The following ATXN7 variants were observed in gnomAD, a reference collection of about 807,000 sequenced individuals.
The protein encoded by ATXN7 is ataxin-7.
ATXN7 carries 12 observed loss-of-function variants against 70.5 expected under a neutral mutation model. The observed-to-expected ratio is 0.17, with a 90% CI of 0.11 to 0.28. The LOEUF is 0.28. ATXN7 is among the 10% of genes least tolerant of loss of function. The pLI, the probability that ATXN7 is intolerant of heterozygous loss-of-function variation, is 1.00. For missense variants in ATXN7, 1,256 were observed against 1,131.7 expected, an observed-to-expected ratio of 1.11 and a Z score of -1.58; for synonymous variants, 498 against 448.7, an observed-to-expected ratio of 1.11 and a Z score of -1.39.
chr3:63,884,238 C>T (rs956855277), intron 1 of ATXN7, among the ~76,000 whole-genome samples: 41 of 115,124 alleles, frequency 3.6e-4, no homozygotes, highest in African/African-American at 1.1e-3. Context: ...CACACACACA[C>T]ACATACTCTC....
intron 8 of ATXN7, among the ~76,000 whole-genome samples, chr3:63,986,371 C>G (rs1271585005): frequency 1.3e-5 from 2 of 152,138 alleles, no homozygotes; most frequent in South Asian, 2.1e-4. Flanking sequence ...CAGTGGAAAC[C>G]CTACTTAGGC....
chr3:63,890,642 C>G (rs1192216780), intron 1 of ATXN7, among the ~76,000 whole-genome samples: 1 of 152,186 alleles, frequency 6.6e-6, no homozygotes, highest in African/African-American at 2.4e-5. Context: ...ATGCCTACTA[C>G]TTAGTATACC....
At position 63,988,103 on chromosome 3, in the gene ATXN7, A is replaced by T. The variant is rs1325292909; in HGVS notation, c.1140A>T (p.Lys380Asn). 5.0e-6 allele frequency: 8 copies of T among 1,614,090 alleles called. No homozygotes were observed. In the South Asian group the frequency reaches 8.8e-5, roughly 18 times the overall value. ...GCAGGGCTGTCCAGGGTAGAAGAAA[A>T]CGATTTGATGTGTTATTAGCCGAGC... Reference protein sequence around the residue: ...TQRRAVQGRRKRFDVLLAEHK... With the variant: ...TQRRAVQGRRNRFDVLLAEHK... The change falls in exon 9 of 13, where the codon AAA becomes AAT. Residue 380 changes from lysine to asparagine, a missense_variant. Lys to Asn is a moderately conservative substitution (Grantham distance 94, BLOSUM62 0). Coordinates refer to ENST00000674280, the MANE Select transcript of ATXN7 (RefSeq NM_001377405.1).
chr3:63,952,265 A>G (rs540655871), intron 4 of ATXN7, 114 bp from the exon 5 acceptor site: 4 of 616,422 alleles, frequency 6.5e-6, no homozygotes, highest in Admixed American at 3.4e-5. Flanking sequence ...ACATCAGTTC[A>G]TTTGTCCTGG....
intron 1 of ATXN7, among the ~76,000 whole-genome samples, chr3:63,889,527 C>G (rs1703191706): frequency 2.0e-5 from 3 of 152,140 alleles, no homozygotes; most frequent in Admixed American, 6.5e-5. Context: ...TAGGCAAGGG[C>G]TAGAAATAGC....
rs183470852 is a variant in ATXN7, at chr3:63,955,165, C to T, written c.499+2682C>T. 1.4e-3 allele frequency among the ~76,000 whole-genome samples: 216 copies of T among 152,300 alleles called. 1 individual carries two copies. The highest frequency in any genetic ancestry group is 5.0e-3 in the African/African-American group (209 of 41,560). On this transcript the variant is annotated intron_variant, in intron 5 of 12. Transcript: ENST00000674280. ...AAAGTGTGAATTCAAGATTCATTTA[C>T]TCCAAGGTCTCCTGTGGCTTGGCAG... is the stretch of plus-strand genomic sequence containing the variant.
At chr3:63,926,841 G>C (rs1009725315) in intron 4 of ATXN7, among the ~76,000 whole-genome samples, 1 of 152,012 alleles carries the variant, frequency 6.6e-6, no homozygotes, top group African/African-American at 2.4e-5. Context: ...ACAGGCTCCA[G>C]TGTGTCATGT....
Position 63,996,470 on chromosome 3 carries a change from C to T in ATXN7, c.2648C>T (p.Ser883Phe), listed in dbSNP as rs376988730. Residue 883 changes from serine to phenylalanine, a missense_variant, in exon 12 of 13, where the codon TCC becomes TTC. Transcript: ENST00000674280. ...GGGGCACAAGGACTGATGAACAGTT[C>T]CCTCCTTCATCAGGTAGGAAATGGA... The part of the protein sequence containing the change: ...IPGAQGLMNS[S>F]LLHQPKARP 1.2e-6 allele frequency: 2 copies of T among 1,613,922 alleles called. No individual in the cohort carries two copies. Among genetic ancestry groups the T allele is most frequent in the African/African-American group, 1.3e-5 (1 of 74,912 alleles).
intron 12 of ATXN7, chr3:63,997,637 G>A (rs1559664335): frequency 3.2e-6 from 5 of 1,552,024 alleles, no homozygotes; most frequent in Non-Finnish European, 4.4e-6. Flanking sequence ...TCCTCACCTT[G>A]CTTACGAACA....
intron 4 of ATXN7, among the ~76,000 whole-genome samples, chr3:63,943,924 C>G (rs1267153868): frequency 6.6e-6 from 1 of 152,192 alleles, no homozygotes; most frequent in Admixed American, 6.5e-5. Context: ...TAGGTCAATA[C>G]ACATTCATGG....
chr3:63,879,682 G>A (rs576824021), intron 1 of ATXN7, among the ~76,000 whole-genome samples: 200 of 151,962 alleles, frequency 1.3e-3, no homozygotes, highest in Non-Finnish European at 2.3e-3. Context: ...AGTAGAGACG[G>A]GGTTTCACTA....
intron 4 of ATXN7, among the ~76,000 whole-genome samples, chr3:63,923,487 T>G (rs1307252561): frequency 3.9e-5 from 6 of 152,208 alleles, no homozygotes; most frequent in Non-Finnish European, 7.3e-5. Context: ...ATTTAACATT[T>G]GAGCTGAGAC....
At chr3:63,972,060 G>C (rs143154835) in intron 5 of ATXN7, among the ~76,000 whole-genome samples, 1 of 152,166 alleles carries the variant, frequency 6.6e-6, no homozygotes, top group Admixed American at 6.5e-5. Context: ...CACGAGTTGT[G>C]TTTGGTGGCC....
At chr3:63,913,332 C>T (rs1185284642) in intron 4 of ATXN7, 107 bp downstream of exon 4, 3 of 1,193,560 alleles carry the variant, frequency 2.5e-6, no homozygotes, top group East Asian at 2.5e-5. Flanking sequence ...CCCGACTCCC[C>T]GTGCCTGCGA....
At chr3:63,950,709 C>T (rs2074939382) in intron 4 of ATXN7, among the ~76,000 whole-genome samples, 1 of 152,122 alleles carries the variant, frequency 6.6e-6, no homozygotes, top group Non-Finnish European at 1.5e-5. Flanking sequence ...TAGATATAAC[C>T]TTTCCCCTTC....
At chr3:63,912,966 C>A (rs1303752771) in intron 3 of ATXN7, 43 bp downstream of exon 3, 15 of 1,382,904 alleles carry the variant, frequency 1.1e-5, no homozygotes, top group Admixed American at 1.9e-5. Flanking sequence ...CCCTCGCGAC[C>A]CCCTCCTCTC....
intron 4 of ATXN7, among the ~76,000 whole-genome samples, chr3:63,945,448 G>T (rs2074843959): frequency 6.6e-6 from 1 of 152,176 alleles, no homozygotes; most frequent in Admixed American, 6.5e-5. Context: ...TGTTTTCAGG[G>T]AAGACTATTG....
chr3:63,892,402 A>ACACACACC (rs1703298091), intron 1 of ATXN7, among the ~76,000 whole-genome samples: 1 of 149,388 alleles, frequency 6.7e-6, no homozygotes, highest in Admixed American at 6.7e-5. Flanking sequence ...ACACACACAC[A>ACACACACC]CACACACACC....
chr3:63,919,008 G>A (rs555797814), intron 4 of ATXN7, among the ~76,000 whole-genome samples: 3 of 150,270 alleles, frequency 2.0e-5, no homozygotes, highest in Non-Finnish European at 4.4e-5. Context: ...CTTCACTAAC[G>A]CGTAGGTGCA....
Sources: gnomAD v4.1 joint callset for allele counts (sites outside exome capture counted in the v4.1 genomes callset) on GRCh38, gnomAD v4.1.1 for gene constraint, MANE v1.5 for transcripts, NCBI Gene and HGNC (gene_info 2026-07-23, HGNC 2026-07-21) for gene names.